GALNT17: variants seen among roughly 807,000 people sequenced by gnomAD.
The protein encoded by GALNT17 is UDP-GalNAc:polypeptide N-acetylgalactosaminyltransferase-like 3.
GALNT17 carries 29 observed loss-of-function variants against 63.7 expected under a neutral mutation model. That is an observed-to-expected ratio of 0.46 (90% confidence interval 0.34 to 0.62). GALNT17 has a LOEUF of 0.62. GALNT17 is among the 20% of genes least tolerant of loss of function. The pLI is 0.01. For synonymous variants in GALNT17, 305 were observed against 318.3 expected (o/e 0.96, Z 0.45); for missense variants, 603 against 799.6 (o/e 0.75, Z 2.97).
Position 71,409,310 on chromosome 7 carries a change from G to A in GALNT17, c.590-6579G>A, listed in dbSNP as rs565970573. ...AGTTAGGCAGGGGGGTAAATGCTAAGCCAGAGCCACCCAATATGCACTTAG... is the reference window on the plus strand; with the variant it reads ...AGTTAGGCAGGGGGGTAAATGCTAAACCAGAGCCACCCAATATGCACTTAG... On this transcript the variant is annotated intron_variant, in intron 3 of 10. Transcript: ENST00000333538. Among the ~76,000 whole-genome samples, 6 of 152,246 alleles carry A rather than the reference G, an allele frequency of 3.9e-5. No homozygotes were observed. The South Asian group carries it at 8.3e-4, about 21-fold the overall frequency.
rs541211399 is a variant in GALNT17 at position 71,617,032 on chromosome 7, T to A, written c.1080+45630T>A. ...TACACATTAAATACTATTAACTATA[T>A]GAATATATAAATATATTAATTATGC... is the stretch of plus-strand genomic sequence containing the variant. On this transcript the variant is annotated intron_variant, in intron 6 of 10. Coordinates refer to ENST00000333538, the MANE Select transcript of GALNT17 (RefSeq NM_022479.3). 1.6e-4 allele frequency among the ~76,000 whole-genome samples: 21 copies of A among 133,258 alleles called. 1 individual carries two copies. In the South Asian group the frequency reaches 4.0e-3, roughly 26 times the overall value. The allele number at this position is 133,258 out of a possible 152,430, so 87.4% of individuals were successfully genotyped here.
chr7:71,687,442 C>T (rs1791378307), intron 9 of GALNT17, among the ~76,000 whole-genome samples: 1 of 152,162 alleles, frequency 6.6e-6, no homozygotes, highest in African/African-American at 2.4e-5. Flanking sequence ...TGAGTGACAC[C>T]CAGCAGCCTC....
intron 1 of GALNT17, among the ~76,000 whole-genome samples, chr7:71,159,965 A>G (rs1440784919): frequency 2.0e-5 from 3 of 151,990 alleles, no homozygotes; most frequent in Non-Finnish European, 4.4e-5. Flanking sequence ...AAATATTTTT[A>G]GTAGAGATGG....
chr7:71,494,848 A>G (rs1584001603), intron 5 of GALNT17, among the ~76,000 whole-genome samples: 1 of 152,218 alleles, frequency 6.6e-6, no homozygotes, highest in African/African-American at 2.4e-5. Context: ...GGCAGCAGGC[A>G]GGAAAGCTTG....
chr7:71,434,287 C>T (rs570360084), intron 5 of GALNT17, among the ~76,000 whole-genome samples: 1 of 152,186 alleles, frequency 6.6e-6, no homozygotes, highest in East Asian at 1.9e-4. Context: ...GAGTCCTGTC[C>T]CTCTAGAGAA....
intron 6 of GALNT17, among the ~76,000 whole-genome samples, chr7:71,662,264 G>C (rs964137300): frequency 6.6e-6 from 1 of 151,840 alleles, no homozygotes; most frequent in Non-Finnish European, 1.5e-5. Flanking sequence ...CCATCCTCCT[G>C]AGCCTCCCCA....
rs906975615 is a variant in GALNT17 at position 71,283,237 on chromosome 7, G to A, written c.239-52313G>A. On this transcript the variant is annotated intron_variant, in intron 1 of 10. Transcript: ENST00000333538. The stretch of plus-strand genomic sequence containing the variant: ...ATTTGTGTGTAGATGGAGTCTTGCT[G>A]TACACCTTTCCCAGGTTCTTTTCAA... 2.7e-5 allele frequency among the ~76,000 whole-genome samples: 4 copies of A among 150,750 alleles called. No homozygotes were observed. In the South Asian group the frequency reaches 6.3e-4, roughly 24 times the overall value.
intron 5 of GALNT17, among the ~76,000 whole-genome samples, chr7:71,564,030 G>A (rs968021510): frequency 6.6e-6 from 1 of 152,080 alleles, no homozygotes; most frequent in African/African-American, 2.4e-5. Context: ...AGGGTGATAT[G>A]TCCTTTCATT....
chr7:71,273,409 G>C (rs1790627955), intron 1 of GALNT17, among the ~76,000 whole-genome samples: 1 of 152,204 alleles, frequency 6.6e-6, no homozygotes, highest in Non-Finnish European at 1.5e-5. Flanking sequence ...AGGAGAAATG[G>C]AAGATAATGA....
chr7:71,200,453 C>A (rs947305822), intron 1 of GALNT17, among the ~76,000 whole-genome samples: 2 of 152,078 alleles, frequency 1.3e-5, no homozygotes, highest in African/African-American at 4.8e-5. Context: ...GACTGCATGT[C>A]CACTGGTGTA....
chr7:71,238,848 G>C (rs1789942442), intron 1 of GALNT17, among the ~76,000 whole-genome samples: 1 of 152,160 alleles, frequency 6.6e-6, no homozygotes. Flanking sequence ...TGCCACTTCT[G>C]AAATTAGGTT....
Position 71,288,657 on chromosome 7 carries a change from C to T in GALNT17, c.239-46893C>T, listed in dbSNP as rs369539537. ...GCCCAATGTCAGTGCAGTGACCTTG[C>T]GTTTAGCTGGGTTCCTGGGCTGTGA... On this transcript the variant is annotated intron_variant, in intron 1 of 10. Transcript: ENST00000333538. 5.5e-3 allele frequency among the ~76,000 whole-genome samples: 841 copies of T among 152,122 alleles called. 11 individuals are homozygous for T. The highest frequency in any genetic ancestry group is 0.018 in the African/African-American group (744 of 41,504).
intron 2 of GALNT17, among the ~76,000 whole-genome samples, chr7:71,383,871 T>C (rs2116327472): frequency 6.6e-6 from 1 of 152,360 alleles, no homozygotes; most frequent in East Asian, 1.9e-4. Flanking sequence ...GATGAACACC[T>C]GGATTGCTTC....
At chr7:71,596,928 C>G (rs1789895225) in intron 6 of GALNT17, among the ~76,000 whole-genome samples, 1 of 152,020 alleles carries the variant, frequency 6.6e-6, no homozygotes, top group Non-Finnish European at 1.5e-5. Flanking sequence ...TGGTTCACAC[C>G]TCTAATTCCA....
intron 1 of GALNT17, among the ~76,000 whole-genome samples, chr7:71,199,916 C>G (rs147322638): frequency 6.6e-6 from 1 of 152,316 alleles, no homozygotes; most frequent in African/African-American, 2.4e-5. Flanking sequence ...AGAACCTCCT[C>G]TTTTTTGTCT....
chr7:71,280,431 T>G (rs1249119136), intron 1 of GALNT17, among the ~76,000 whole-genome samples: 1 of 152,142 alleles, frequency 6.6e-6, no homozygotes, highest in Non-Finnish European at 1.5e-5. Flanking sequence ...ACTTTCCACC[T>G]TCACCAAGAG....
At chr7:71,299,677 G>A (rs942088813) in intron 1 of GALNT17, among the ~76,000 whole-genome samples, 3 of 152,146 alleles carry the variant, frequency 2.0e-5, no homozygotes. Context: ...CCGTGGGGGC[G>A]AGGTTAATGC....
intron 6 of GALNT17, among the ~76,000 whole-genome samples, chr7:71,639,663 G>A (rs1312126515): frequency 6.6e-6 from 1 of 152,224 alleles, no homozygotes; most frequent in East Asian, 1.9e-4. Flanking sequence ...AAAGCAGCAA[G>A]CAGGGAATGC....
intron 2 of GALNT17, among the ~76,000 whole-genome samples, chr7:71,354,862 A>AT (rs1237437707): frequency 6.6e-6 from 1 of 152,048 alleles, no homozygotes; most frequent in Non-Finnish European, 1.5e-5. Context: ...GGTTTTTGCA[A>AT]TTTTTTTCCT....
Sources: allele counts gnomAD v4.1 joint callset (sites outside exome capture counted in the v4.1 genomes callset), GRCh38; gene constraint gnomAD v4.1.1; transcripts MANE v1.5; gene names NCBI Gene and HGNC (gene_info 2026-07-23, HGNC 2026-07-21).